The following MYO9A variants were observed in gnomAD, a reference collection of about 807,000 sequenced individuals.
The protein encoded by MYO9A is unconventional myosin-IXa.
Under a neutral mutation model 293.3 loss-of-function variants are expected in MYO9A, and 103 were observed. That is an observed-to-expected ratio of 0.35 (90% confidence interval 0.30 to 0.41). The LOEUF is 0.41. Ranked by LOEUF, MYO9A falls within the 10% of genes least tolerant of loss-of-function variation. The probability of loss-of-function intolerance (pLI) is 1.00; values close to 1 mark genes in which losing one functional copy is unlikely to be tolerated. For missense variants in MYO9A, 2,685 were observed against 3,033.0 expected (o/e 0.89, Z 2.69); for synonymous variants, 1,001 against 1,035.7 (o/e 0.97, Z 0.64).
At position 71,882,057 on chromosome 15, in the gene MYO9A, A is replaced by G. The variant is rs752092719; in HGVS notation, c.5399-1499T>C. ...CCTTTCCACCATTCTTTCCTCTGGCATAGAGAGCTCAAGCCCATTCACCCC... is the reference window on the plus strand; with the variant it reads ...CCTTTCCACCATTCTTTCCTCTGGCGTAGAGAGCTCAAGCCCATTCACCCC... On this transcript the variant is annotated intron_variant, in intron 28 of 41. Coordinates refer to ENST00000356056, the MANE Select transcript of MYO9A (RefSeq NM_006901.4). Among the ~76,000 whole-genome samples the G allele has an allele frequency of 9.2e-5, 14 of 152,318 alleles. 1 individual carries two copies. The highest frequency in any genetic ancestry group is 1.0e-4 in the Non-Finnish European group (7 of 68,026).
chr15:71,951,598 T>C, intron 15 of MYO9A, 179 bp downstream of exon 15: 2 of 584,276 alleles, frequency 3.4e-6, no homozygotes, highest in East Asian at 3.0e-5. Context: ...GTTAAAAAAG[T>C]ATATCAGTAT....
intron 15 of MYO9A, among the ~76,000 whole-genome samples, chr15:71,945,026 T>A (rs928985635): frequency 3.9e-5 from 6 of 152,208 alleles, no homozygotes; most frequent in African/African-American, 1.4e-4. Context: ...GTTAAATTTA[T>A]CCCCAAGTAT....
chr15:72,049,968 G>A (rs2078505176), intron 1 of MYO9A, among the ~76,000 whole-genome samples: 1 of 152,138 alleles, frequency 6.6e-6, no homozygotes, highest in Admixed American at 6.5e-5. Context: ...TTTAACAGGA[G>A]TCCTATCTTG....
In MYO9A at chr15:71,850,118, T is replaced by C. The variant is rs1351215465; in HGVS notation, c.6631A>G (p.Ile2211Val). 1 of 1,614,074 alleles carries C rather than the reference T, an allele frequency of 6.2e-7. No individual in the cohort carries two copies. Among genetic ancestry groups the C allele is most frequent in the Non-Finnish European group, 8.5e-7 (1 of 1,179,972 alleles). ...TNRMSANALA[I>V]VFAPCILRCP... ...CGGAGAATGCAGGGCGCAAACACAA[T>C]GGCCAAAGCATTAGCAGACATTCGA... is the stretch of plus-strand genomic sequence containing the variant. The change falls in exon 38 of 42, where the codon ATT (isoleucine) becomes GTT (valine). Residue 2211 changes from isoleucine to valine, a missense_variant. Transcript: ENST00000356056.
chr15:71,974,832 G>C (rs2076096777), intron 12 of MYO9A, among the ~76,000 whole-genome samples: 1 of 152,210 alleles, frequency 6.6e-6, no homozygotes, highest in Admixed American at 6.5e-5. Context: ...CTAGACTAGA[G>C]TTGTTGTCTG....
At chr15:72,019,348 G>A (rs993319926) in intron 5 of MYO9A, among the ~76,000 whole-genome samples, 1 of 152,080 alleles carries the variant, frequency 6.6e-6, no homozygotes, top group African/African-American at 2.4e-5. Flanking sequence ...TATGAATATT[G>A]ACATTATGAC....
chr15:71,887,282 T>C lies in MYO9A; in HGVS notation c.5255+722A>G, dbSNP rs117351614. Among the ~76,000 whole-genome samples the C allele has an allele frequency of 6.4e-4, 98 of 152,312 alleles. 1 individual carries two copies. In the East Asian group the frequency reaches 0.014, roughly 22 times the overall value. ...GTATAGAGGGAGATAAAGCCCATTA[T>C]ACTGAAGGGAACCAGTATGTGCCAC... is the stretch of plus-strand genomic sequence containing the variant. On this transcript the variant is annotated intron_variant, in intron 27 of 41. Transcript: ENST00000356056.
chr15:71,904,165 T>C, intron 20 of MYO9A, 126 bp from the exon 21 acceptor site: 1 of 721,332 alleles, frequency 1.4e-6, no homozygotes, highest in South Asian at 1.8e-5. Context: ...ACATATACAG[T>C]AACTAAGTAT....
At chr15:72,028,023 C>A (rs1049118097) in intron 3 of MYO9A, among the ~76,000 whole-genome samples, 2 of 150,684 alleles carry the variant, frequency 1.3e-5, no homozygotes, top group African/African-American at 4.9e-5. Context: ...TATGGTGAAA[C>A]CCCATCTCTA....
intron 14 of MYO9A, chr15:71,958,968 G>A (rs1035147723): frequency 1.3e-5 from 2 of 152,162 alleles, no homozygotes; most frequent in Non-Finnish European, 2.9e-5. Context: ...ACTCAATTAT[G>A]TCTTAGCAGG....
chr15:71,998,550 C>CTTTTTTTTTTTTTT (rs765185033), intron 9 of MYO9A, among the ~76,000 whole-genome samples: 1 of 106,190 alleles, frequency 9.4e-6, no homozygotes, highest in Admixed American at 1.2e-4. Flanking sequence ...ATTTGGCTTT[C>CTTTTTTTTTTTTTT]TTTTTTTTTT....
intron 1 of MYO9A, among the ~76,000 whole-genome samples, chr15:72,047,445 C>T (rs891418727): frequency 2.6e-5 from 4 of 152,210 alleles, no homozygotes; most frequent in Non-Finnish European, 1.5e-5. Context: ...ACCTCGTATA[C>T]AGTATATTAC....
intron 27 of MYO9A, among the ~76,000 whole-genome samples, chr15:71,886,908 T>G (rs938726194): frequency 3.3e-5 from 5 of 152,142 alleles, no homozygotes; most frequent in Non-Finnish European, 5.9e-5. Flanking sequence ...TGGATTACCT[T>G]AGATTATACC....
intron 2 of MYO9A, among the ~76,000 whole-genome samples, chr15:72,036,360 A>G (rs1596442462): frequency 6.6e-6 from 1 of 152,232 alleles, no homozygotes; most frequent in Non-Finnish European, 1.5e-5. Flanking sequence ...AATGCTGACA[A>G]AAACTGTCAA....
intron 12 of MYO9A, among the ~76,000 whole-genome samples, chr15:71,975,952 C>T (rs1431375706): frequency 6.6e-6 from 1 of 152,170 alleles, no homozygotes; most frequent in Non-Finnish European, 1.5e-5. Flanking sequence ...TGCTCCTTCC[C>T]CCACACCTCG....
At chr15:72,039,128 AT>A (rs2078150639) in intron 2 of MYO9A, among the ~76,000 whole-genome samples, 1 of 152,158 alleles carries the variant, frequency 6.6e-6, no homozygotes, top group African/African-American at 2.4e-5. Context: ...CGAATTATTT[AT>A]ACCTTCCTGA....
chr15:71,965,653 C>T (rs1437734874), intron 13 of MYO9A, among the ~76,000 whole-genome samples: 1 of 152,120 alleles, frequency 6.6e-6, no homozygotes, highest in Non-Finnish European at 1.5e-5. Flanking sequence ...GGCAGAGAAT[C>T]GCTTAAACCT....
At position 72,076,924 on chromosome 15, in the gene MYO9A, C is replaced by A. The variant is rs568195897; in HGVS notation, c.-71-30290G>T. 3.3e-5 allele frequency among the ~76,000 whole-genome samples: 5 copies of A among 151,742 alleles called. No individual in the cohort carries two copies. In the South Asian group the frequency reaches 8.3e-4, roughly 25 times the overall value. Reference sequence around the variant, plus strand: ...AAGAGAGTCCAGAAACAGACCCACACAAATATAGTCACCTGATCTTTGACA... The same window carrying A: ...AAGAGAGTCCAGAAACAGACCCACAAAAATATAGTCACCTGATCTTTGACA... On this transcript the variant is annotated intron_variant, in intron 1 of 41. Transcript: ENST00000356056.
At chr15:72,083,522 T>C (rs376812296) in intron 1 of MYO9A, among the ~76,000 whole-genome samples, 1 of 152,212 alleles carries the variant, frequency 6.6e-6, no homozygotes. Context: ...AGCTTTGATT[T>C]TGGTTATTTC....
Sources: gnomAD v4.1 joint callset for allele counts (sites outside exome capture counted in the v4.1 genomes callset) on GRCh38, gnomAD v4.1.1 for gene constraint, MANE v1.5 for transcripts, NCBI Gene and HGNC (gene_info 2026-07-23, HGNC 2026-07-21) for gene names.